The following LOC128092253 variants were observed in gnomAD, a reference collection of about 807,000 sequenced individuals.
At chr6:133,964,263 CA>C in the LOC128092253 span, among the ~76,000 whole-genome samples, 1 of 152,094 alleles carries the variant, frequency 6.6e-6, no homozygotes, top group Non-Finnish European at 1.5e-5. Context: ...TTGAGTGACG[CA>C]CCCTTCAACC....
chr6:133,954,553 A>G, the LOC128092253 span, among the ~76,000 whole-genome samples: 1,282 of 152,348 alleles, frequency 8.4e-3, 38 homozygotes, highest in Admixed American at 0.062. Flanking sequence ...AAGCTGCTTA[A>G]TGGTTTTATA....
chr6:133,969,262 T>C, the LOC128092253 span, among the ~76,000 whole-genome samples: 2 of 150,270 alleles, frequency 1.3e-5, no homozygotes, highest in African/African-American at 4.9e-5. Context: ...TTTTTTTTTT[T>C]TTTTTTTTTT....
At chr6:133,965,892 C>T in the LOC128092253 span, among the ~76,000 whole-genome samples, 8 of 152,050 alleles carry the variant, frequency 5.3e-5, no homozygotes, top group African/African-American at 1.9e-4. Flanking sequence ...CTGTGCCAAG[C>T]GCTTTATATG....
chr6:133,958,871 A>G, the LOC128092253 span, among the ~76,000 whole-genome samples: 1 of 152,186 alleles, frequency 6.6e-6, no homozygotes, highest in South Asian at 2.1e-4. Flanking sequence ...TATTTGTTTC[A>G]GCTGGTTTTT....
chr6:133,963,537 C>T, the LOC128092253 span, among the ~76,000 whole-genome samples: 5 of 152,176 alleles, frequency 3.3e-5, no homozygotes, highest in East Asian at 9.7e-4. Flanking sequence ...CCTCTTGCCT[C>T]AGCCTCCTGA....
the LOC128092253 span, among the ~76,000 whole-genome samples, chr6:133,970,980 G>A: frequency 6.6e-6 from 1 of 152,162 alleles, no homozygotes; most frequent in Non-Finnish European, 1.5e-5. Flanking sequence ...GCTATTTTAT[G>A]ATATACTTTA....
At chr6:133,956,803 A>G in the LOC128092253 span, among the ~76,000 whole-genome samples, 2 of 152,220 alleles carry the variant, frequency 1.3e-5, no homozygotes, top group Non-Finnish European at 2.9e-5. Context: ...TTCAAACAAT[A>G]AAGATAATGG....
At chr6:133,955,458 G>A in the LOC128092253 span, among the ~76,000 whole-genome samples, 2 of 151,430 alleles carry the variant, frequency 1.3e-5, no homozygotes, top group African/African-American at 2.4e-5. Flanking sequence ...TGTGTCCTTC[G>A]CCTGCATGTG....
the LOC128092253 span, among the ~76,000 whole-genome samples, chr6:133,961,297 A>G: frequency 2.0e-5 from 3 of 152,126 alleles, no homozygotes; most frequent in Admixed American, 6.6e-5. Flanking sequence ...ACACATTTAA[A>G]TTAAACAGTT....
the LOC128092253 span, among the ~76,000 whole-genome samples, chr6:133,963,875 A>AC: frequency 1.8e-4 from 21 of 118,560 alleles, no homozygotes; most frequent in Non-Finnish European, 3.0e-4. Flanking sequence ...CTAAAAATAC[A>AC]AAAAAAAAAA....
chr6:133,969,386 A>C, the LOC128092253 span, among the ~76,000 whole-genome samples: 1 of 151,896 alleles, frequency 6.6e-6, no homozygotes, highest in African/African-American at 2.4e-5. Flanking sequence ...TTGATACAAA[A>C]TTATTCACAT....
At chr6:133,977,431 T>C in the LOC128092253 span, among the ~76,000 whole-genome samples, 1 of 152,232 alleles carries the variant, frequency 6.6e-6, no homozygotes, top group African/African-American at 2.4e-5. Context: ...CCCCTTTTTT[T>C]CTTGACTTAG....
At chr6:133,975,212 T>G in the LOC128092253 span, among the ~76,000 whole-genome samples, 1 of 152,066 alleles carries the variant, frequency 6.6e-6, no homozygotes, top group African/African-American at 2.4e-5. Context: ...GAATAAATGA[T>G]ACTACAGTGA....
At chr6:133,974,863 G>A in the LOC128092253 span, among the ~76,000 whole-genome samples, 9 of 152,042 alleles carry the variant, frequency 5.9e-5, no homozygotes, top group Admixed American at 5.9e-4. Context: ...GCAAAGAACT[G>A]CTAAATAAAT....
At chr6:133,959,058 G>A in the LOC128092253 span, among the ~76,000 whole-genome samples, 10 of 150,476 alleles carry the variant, frequency 6.6e-5, no homozygotes, top group African/African-American at 2.4e-4. Context: ...TTTTTTGTTT[G>A]AGACAGAGTC....
the LOC128092253 span, among the ~76,000 whole-genome samples, chr6:133,967,737 C>CA: frequency 7.2e-5 from 11 of 152,216 alleles, no homozygotes; most frequent in Admixed American, 1.3e-4. Context: ...ACCCCTGGAC[C>CA]AAAACATTGT....
the LOC128092253 span, among the ~76,000 whole-genome samples, chr6:133,969,477 A>T: frequency 6.6e-6 from 1 of 152,182 alleles, no homozygotes. Context: ...TGTAATGAAG[A>T]TAGTTTAACT....
chr6:133,978,640 T>C, the LOC128092253 span, among the ~76,000 whole-genome samples: 1 of 152,148 alleles, frequency 6.6e-6, no homozygotes, highest in South Asian at 2.1e-4. Context: ...TTGAGGGGAA[T>C]ATGGGAATAC....
At chr6:133,964,315 T>C in the LOC128092253 span, among the ~76,000 whole-genome samples, 1 of 152,172 alleles carries the variant, frequency 6.6e-6, no homozygotes, top group Non-Finnish European at 1.5e-5. Context: ...AATAAGAAAT[T>C]CCTAATGGTG....
Sources: gnomAD v4.1 joint callset for allele counts (sites outside exome capture counted in the v4.1 genomes callset) on GRCh38, gnomAD v4.1.1 for gene constraint, MANE v1.5 for transcripts.